Variants in MGAM2 observed in about 807,000 individuals in gnomAD.
MGAM2 encodes probable maltase-glucoamylase 2.
In MGAM2, 98 loss-of-function variants were observed where a neutral mutation model predicts 96.1. The ratio of observed to expected loss-of-function variants is 1.02; its 90% CI spans 0.87 to 1.21. The LOEUF is 1.21. Among genes scored for constraint, MGAM2 ranks in the 50% most tolerant of loss-of-function variants. The pLI is 0.00. For missense variants in MGAM2, 2,055 were observed against 1,182.4 expected (o/e 1.74, Z -10.82); for synonymous variants, 749 against 414.8 (o/e 1.81, Z -9.79).
rs368319968 is a variant in MGAM2, at chr7:142,162,382, C to T, written c.2484+378C>T. On this transcript the variant is annotated intron_variant, in intron 23 of 47. Transcript: ENST00000477922. Reference sequence around the variant, plus strand: ...TCCATAATGGCTGTCCTTTGTAGCACGTAAAACTTGGCCTTTGGCACGGGT... The same window carrying T: ...TCCATAATGGCTGTCCTTTGTAGCATGTAAAACTTGGCCTTTGGCACGGGT... Among the ~76,000 whole-genome samples the T allele has an allele frequency of 2.0e-4, 30 of 152,046 alleles. No homozygotes were observed. The South Asian group carries it at 4.8e-3, about 24-fold the overall frequency.
intron 32 of MGAM2, among the ~76,000 whole-genome samples, chr7:142,180,021 A>T (rs532734143): frequency 6.6e-6 from 1 of 151,918 alleles, no homozygotes; most frequent in Admixed American, 6.6e-5. Flanking sequence ...TTTATTGCTG[A>T]TACAATTTTA....
chr7:142,210,269 G>A (rs574426093), intron 46 of MGAM2, among the ~76,000 whole-genome samples: 48 of 151,014 alleles, frequency 3.2e-4, no homozygotes, highest in African/African-American at 1.1e-3. Context: ...CTGAGTGGCC[G>A]TTTGGGCAGA....
chr7:142,183,065 C>T (rs1330727232), intron 32 of MGAM2, among the ~76,000 whole-genome samples: 3 of 152,160 alleles, frequency 2.0e-5, no homozygotes, highest in Admixed American at 1.3e-4. Flanking sequence ...GTACTCATGG[C>T]ACCATCCCTT....
chr7:142,171,941 T>A (rs1563274477), intron 28 of MGAM2, among the ~76,000 whole-genome samples, 157 bp from the exon 29 acceptor site: 1 of 151,950 alleles, frequency 6.6e-6, no homozygotes. Flanking sequence ...AAGACACAGC[T>A]TTTAACTTGG....
chr7:142,111,998 C>CTGTGTGTGTGTG (rs57967255), intron 1 of MGAM2, among the ~76,000 whole-genome samples, 191 bp downstream of exon 1: 23 of 133,690 alleles, frequency 1.7e-4, no homozygotes, highest in Admixed American at 3.7e-4. Context: ...AGAGGAGAGA[C>CTGTGTGTGTGTG]TGTGTGTGTG....
At chr7:142,157,410 T>G (rs1795765645) in intron 17 of MGAM2, among the ~76,000 whole-genome samples, 1 of 141,242 alleles carries the variant, frequency 7.1e-6, no homozygotes, top group East Asian at 2.1e-4. Context: ...TTTTTTTTTT[T>G]GAGACAGAGT....
intron 3 of MGAM2, among the ~76,000 whole-genome samples, chr7:142,127,151 T>C (rs1178209990): frequency 6.6e-6 from 1 of 152,178 alleles, no homozygotes; most frequent in Non-Finnish European, 1.5e-5. Context: ...ACTGTTTTAG[T>C]TTTTATTATT....
At chr7:142,137,386 T>TA (rs1795089819) in intron 8 of MGAM2, 47 bp from the exon 9 acceptor site, 1 of 661,446 alleles carries the variant, frequency 1.5e-6, no homozygotes, top group African/African-American at 1.8e-5. Context: ...GAGAAGAGTT[T>TA]ACTTCCAACC....
At chr7:142,163,308 G>A in intron 23 of MGAM2, among the ~76,000 whole-genome samples, 1 of 152,188 alleles carries the variant, frequency 6.6e-6, no homozygotes, top group East Asian at 1.9e-4. Context: ...TTGAGAGGGA[G>A]TCTCACTGTG....
intron 9 of MGAM2, 99 bp downstream of exon 9, chr7:142,137,644 T>C: frequency 2.1e-6 from 1 of 476,884 alleles, no homozygotes; most frequent in East Asian, 3.3e-5. Context: ...GTAAACTGTA[T>C]GGATTATAAA....
rs1237596389 is a variant in MGAM2, at chr7:142,221,732, T to C, written c.7221T>C (p.Pro2407=). The C allele has an allele frequency of 2.4e-6, 1 of 408,932 alleles. No individual in the cohort carries two copies. Among genetic ancestry groups the C allele is most frequent in the East Asian group, 3.5e-5 (1 of 28,678 alleles). The allele number at this position is 408,932 out of a possible 1,614,324, so 25.3% of individuals were successfully genotyped here. The change falls in exon 48 of 48, where the codon CCT becomes CCC. Residue 2407 remains proline, a synonymous_variant. Transcript: ENST00000477922. ...CCTTAAGCCACACCTCATTAGCTCCTACAAATCTTTCTAATCTAGGCACCA... is the reference window on the plus strand; with the variant it reads ...CCTTAAGCCACACCTCATTAGCTCCCACAAATCTTTCTAATCTAGGCACCA... The part of the protein sequence containing the change: ...TLALSHTSLA[P]TNLSNLGTMD...
At position 142,143,801 on chromosome 7, in the gene MGAM2, T is replaced by C. The variant is rs1336490067; in HGVS notation, c.1350T>C (p.Tyr450=). The C allele has an allele frequency of 1.4e-6, 1 of 692,404 alleles. No homozygotes were observed. Among genetic ancestry groups the C allele is most frequent in the Non-Finnish European group, 2.6e-6 (1 of 378,512 alleles). The allele number at this position is 692,404 out of a possible 1,614,324, so 42.9% of individuals were successfully genotyped here. A position where few individuals can be genotyped will look rare whatever the true frequency, so the allele number is the denominator to read the frequency against. Reference sequence around the variant, plus strand: ...CGGGACCGACAGTCTTTCCCGATTATACCAATCCAGTATGCACTGAGTGGT... The same window carrying C: ...CGGGACCGACAGTCTTTCCCGATTACACCAATCCAGTATGCACTGAGTGGT... ...GYPGPTVFPD[Y]TNPVCTEWWT... The change falls in exon 13 of 48, where the codon TAT becomes TAC. Residue 450 remains tyrosine (Y), a synonymous_variant. Coordinates refer to ENST00000477922, the MANE Select transcript of MGAM2 (RefSeq NM_001293626.2).
chr7:142,125,532 C>A (rs1241005292), intron 3 of MGAM2, among the ~76,000 whole-genome samples: 2 of 152,082 alleles, frequency 1.3e-5, no homozygotes, highest in African/African-American at 4.8e-5. Context: ...ACAGGCCACC[C>A]AGACCCCCAA....
intron 15 of MGAM2, among the ~76,000 whole-genome samples, chr7:142,150,596 C>G (rs1795548851): frequency 1.3e-5 from 2 of 152,098 alleles, no homozygotes; most frequent in Non-Finnish European, 2.9e-5. Context: ...TCTTGGACCT[C>G]AACCCTGAAC....
At chr7:142,173,570 A>T (rs1488987514) in intron 31 of MGAM2, among the ~76,000 whole-genome samples, 1 of 152,258 alleles carries the variant, frequency 6.6e-6, no homozygotes, top group Non-Finnish European at 1.5e-5. Context: ...CTACCTTACC[A>T]AAGTAATCAA....
At chr7:142,181,606 G>A (rs1402652568) in intron 32 of MGAM2, among the ~76,000 whole-genome samples, 23 of 152,202 alleles carry the variant, frequency 1.5e-4, no homozygotes, top group Non-Finnish European at 4.4e-5. Context: ...TTAGCCCCAA[G>A]GGCGTCCCTG....
At chr7:142,140,766 T>C in intron 10 of MGAM2, 36 bp from the exon 11 acceptor site, 2 of 690,158 alleles carry the variant, frequency 2.9e-6, no homozygotes, top group South Asian at 3.1e-5. Flanking sequence ...CACAGTGCTG[T>C]TTCCTAGGTT....
intron 7 of MGAM2, among the ~76,000 whole-genome samples, chr7:142,134,882 C>A (rs11982374): frequency 6.6e-6 from 1 of 151,622 alleles, no homozygotes; most frequent in Non-Finnish European, 1.5e-5. Flanking sequence ...CCAAAAAAAC[C>A]TAAATTTTCA....
intron 3 of MGAM2, among the ~76,000 whole-genome samples, chr7:142,128,587 G>A (rs1794792229): frequency 6.6e-6 from 1 of 152,192 alleles, no homozygotes; most frequent in South Asian, 2.1e-4. Context: ...TTGGGGTCCT[G>A]TGTCCCAGCA....
Sources: gnomAD v4.1 joint callset for allele counts (sites outside exome capture counted in the v4.1 genomes callset) on GRCh38, gnomAD v4.1.1 for gene constraint, MANE v1.5 for transcripts, NCBI Gene and HGNC (gene_info 2026-07-23, HGNC 2026-07-21) for gene names.